Variants in EDIL3 observed in about 807,000 individuals in gnomAD.
The protein encoded by EDIL3 is EGF like and discoidin domains 3, also known as EGF-like repeat and discoidin I-like domain-containing protein 3.
In EDIL3, 37 loss-of-function variants were observed where a neutral mutation model predicts 67.4. That is an observed-to-expected ratio of 0.55 (90% CI 0.42 to 0.72). The LOEUF (loss-of-function observed/expected upper bound fraction) is 0.72, where lower values mean the gene tolerates loss of function less well. EDIL3 is among the 30% of genes least tolerant of loss of function. EDIL3 has a pLI of 0.00. For synonymous variants in EDIL3, 195 were observed against 196.3 expected (o/e 0.99, Z 0.05); for missense variants, 527 against 586.3 (o/e 0.90, Z 1.04).
At chr5:84,256,148 C>CTATCTATCTATCTATCTATCTATCATCT (rs3046886) in intron 1 of EDIL3, among the ~76,000 whole-genome samples, 11 of 146,652 alleles carry the variant, frequency 7.5e-5, no homozygotes, top group East Asian at 2.1e-4. Context: ...ATCTATCTAT[C>CTATCTATCTATCTATCTATCTATCATCT]ATCTATCTAT....
At chr5:84,093,395 C>T (rs1435608301) in intron 6 of EDIL3, among the ~76,000 whole-genome samples, 4 of 151,816 alleles carry the variant, frequency 2.6e-5, no homozygotes, top group East Asian at 1.9e-4. Flanking sequence ...TATAGTTGAC[C>T]GAGTGGGATA....
At chr5:84,201,388 C>A (rs1743832776) in intron 3 of EDIL3, among the ~76,000 whole-genome samples, 1 of 151,966 alleles carries the variant, frequency 6.6e-6, no homozygotes, top group Admixed American at 6.6e-5. Context: ...AAGTATAGCT[C>A]CATGGAAAAT....
At chr5:84,267,715 A>G (rs1397991968) in intron 1 of EDIL3, among the ~76,000 whole-genome samples, 2 of 152,224 alleles carry the variant, frequency 1.3e-5, no homozygotes, top group Non-Finnish European at 2.9e-5. Flanking sequence ...GTATTTATGT[A>G]TATGCTCTCT....
intron 6 of EDIL3, among the ~76,000 whole-genome samples, chr5:84,102,933 G>C (rs988140556): frequency 7.9e-5 from 12 of 152,084 alleles, no homozygotes; most frequent in Admixed American, 6.6e-4. Context: ...CCCCCCAAAA[G>C]CTAGAAGTAT....
intron 3 of EDIL3, among the ~76,000 whole-genome samples, chr5:84,193,119 C>T (rs184566005): frequency 6.6e-6 from 1 of 151,968 alleles, no homozygotes; most frequent in Admixed American, 6.6e-5. Flanking sequence ...AACAAAACAG[C>T]TTTATGGACA....
rs1379135829 is a variant in EDIL3 at position 84,220,852 on chromosome 5, C to T, written c.226+9003G>A. 2.6e-5 allele frequency among the ~76,000 whole-genome samples: 4 copies of T among 152,048 alleles called. 1 individual carries two copies. Among genetic ancestry groups the T allele is most frequent in the Non-Finnish European group, 5.9e-5 (4 of 68,016 alleles). ...CATTTTTGTGCCCTCTCTGGTCATG[C>T]ATAAGGATGCATATGGCCACAGTAG... is the stretch of plus-strand genomic sequence containing the variant. On this transcript the variant is annotated intron_variant, in intron 3 of 10. Coordinates refer to ENST00000296591, the MANE Select transcript of EDIL3 (RefSeq NM_005711.5).
chr5:83,971,213 C>T (rs1314737732), intron 9 of EDIL3, among the ~76,000 whole-genome samples: 1 of 151,064 alleles, frequency 6.6e-6, no homozygotes, highest in African/African-American at 2.4e-5. Context: ...CTTATTTTCT[C>T]AGCATTAATC....
Position 84,260,312 on chromosome 5 carries a change from G to T in EDIL3, c.68-6100C>A, listed in dbSNP as rs764445779. Among the ~76,000 whole-genome samples, 3 of 152,166 alleles carry T rather than the reference G, an allele frequency of 2.0e-5. No individual in the cohort carries two copies. The East Asian group carries it at 5.8e-4, about 29-fold the overall frequency. On this transcript the variant is annotated intron_variant, in intron 1 of 10. Coordinates refer to ENST00000296591, the MANE Select transcript of EDIL3 (RefSeq NM_005711.5). Reference sequence around the variant, plus strand: ...AGAATCAGTGGTGTTAAAGCCTAACGAAGAGCATTCTAGGCACAGGGAACA... The same window carrying T: ...AGAATCAGTGGTGTTAAAGCCTAACTAAGAGCATTCTAGGCACAGGGAACA...
rs1233430963 is a variant in EDIL3, at chr5:83,953,013, G to T, written c.1294-9445C>A. ...CAATCCTGGAGATGGATGCAGGGGT[G>T]GCAAAGTGGAATCGTACAGCTGAAG... On this transcript the variant is annotated intron_variant, in intron 10 of 10. Coordinates refer to ENST00000296591, the MANE Select transcript of EDIL3 (RefSeq NM_005711.5). Among the ~76,000 whole-genome samples, 3 of 151,746 alleles carry T rather than the reference G, an allele frequency of 2.0e-5. No individual in the cohort carries two copies. In the East Asian group the frequency reaches 5.9e-4, roughly 30 times the overall value.
chr5:84,170,653 A>C (rs1748797104), intron 4 of EDIL3, among the ~76,000 whole-genome samples: 1 of 152,190 alleles, frequency 6.6e-6, no homozygotes, highest in East Asian at 1.9e-4. Context: ...TAATTTAGAA[A>C]TCAGTATCAC....
At chr5:84,058,005 C>G (rs915035162) in intron 9 of EDIL3, among the ~76,000 whole-genome samples, 1 of 152,032 alleles carries the variant, frequency 6.6e-6, no homozygotes. Context: ...TTAAGTCAGA[C>G]GTGGGCAGAA....
At chr5:83,997,010 G>C (rs1335769836) in intron 9 of EDIL3, among the ~76,000 whole-genome samples, 2 of 152,136 alleles carry the variant, frequency 1.3e-5, no homozygotes, top group Non-Finnish European at 2.9e-5. Context: ...TCTAGGCAGA[G>C]GGAACAATAC....
chr5:84,274,253 C>T (rs1353872574), intron 1 of EDIL3, among the ~76,000 whole-genome samples: 1 of 152,012 alleles, frequency 6.6e-6, no homozygotes. Context: ...CAGGTATGCC[C>T]ACCACGCCCA....
intron 1 of EDIL3, among the ~76,000 whole-genome samples, chr5:84,330,804 T>C (rs1746855106): frequency 6.6e-6 from 1 of 152,150 alleles, no homozygotes; most frequent in African/African-American, 2.4e-5. Context: ...GAGAACACTG[T>C]CAGTTCTATG....
At chr5:84,282,015 G>A (rs1019606434) in intron 1 of EDIL3, among the ~76,000 whole-genome samples, 56 of 150,802 alleles carry the variant, frequency 3.7e-4, no homozygotes, top group African/African-American at 1.5e-4. Context: ...TACAGGTGCC[G>A]GCCACTACAC....
At chr5:84,346,881 T>A (rs1294536152) in intron 1 of EDIL3, among the ~76,000 whole-genome samples, 1 of 152,218 alleles carries the variant, frequency 6.6e-6, no homozygotes, top group Non-Finnish European at 1.5e-5. Context: ...GGACTGAGAC[T>A]CAATCCTGAT....
chr5:83,969,306 T>G (rs770149778), intron 9 of EDIL3, among the ~76,000 whole-genome samples: 2 of 151,766 alleles, frequency 1.3e-5, no homozygotes, highest in African/African-American at 2.4e-5. Flanking sequence ...TCATAGTCCT[T>G]TCATCCTGGG....
At chr5:84,183,498 G>C (rs139215278) in intron 3 of EDIL3, among the ~76,000 whole-genome samples, 167 of 152,118 alleles carry the variant, frequency 1.1e-3, no homozygotes, top group African/African-American at 3.7e-3. Context: ...ATAATTTTAA[G>C]CAAATAAGAG....
At chr5:84,197,615 T>C (rs1043032801) in intron 3 of EDIL3, among the ~76,000 whole-genome samples, 2 of 150,734 alleles carry the variant, frequency 1.3e-5, no homozygotes, top group Admixed American at 6.7e-5. Flanking sequence ...GCTGAGATCA[T>C]GCCACTGAAC....
Sources: gnomAD v4.1 joint callset for allele counts (sites outside exome capture counted in the v4.1 genomes callset) on GRCh38, gnomAD v4.1.1 for gene constraint, MANE v1.5 for transcripts, NCBI Gene and HGNC (gene_info 2026-07-23, HGNC 2026-07-21) for gene names.